The following KIF13B variants were observed in gnomAD, a reference collection of about 807,000 sequenced individuals.
KIF13B encodes kinesin-like protein KIF13B.
In KIF13B, 127 loss-of-function variants were observed where a neutral mutation model predicts 222.0. The ratio of observed to expected loss-of-function variants is 0.57; its 90% CI spans 0.50 to 0.66. The LOEUF (loss-of-function observed/expected upper bound fraction) is 0.66. Among genes scored for constraint, KIF13B ranks in the 30% least tolerant of loss-of-function variants. The probability of loss-of-function intolerance (pLI) is 0.00; values close to 1 mark genes in which losing one functional copy is unlikely to be tolerated. For synonymous variants in KIF13B, 976 were observed against 919.0 expected (o/e 1.06, Z -1.12); for missense variants, 2,173 against 2,379.0 (o/e 0.91, Z 1.80).
chr8:29,095,537 C>G (rs183964777), intron 36 of KIF13B, among the ~76,000 whole-genome samples: 1 of 152,138 alleles, frequency 6.6e-6, no homozygotes, highest in Non-Finnish European at 1.5e-5. Context: ...GAGGCCGAGG[C>G]GGGTGGATCA....
At chr8:29,222,974 T>C (rs1814826414) in intron 2 of KIF13B, among the ~76,000 whole-genome samples, 2 of 152,068 alleles carry the variant, frequency 1.3e-5, no homozygotes, top group African/African-American at 2.4e-5. Flanking sequence ...ATTTGACATA[T>C]AATCTAGAAA....
At position 29,132,295 on chromosome 8, in the gene KIF13B, A is replaced by C; in HGVS notation, c.2942+13T>G. The C allele has an allele frequency of 6.9e-7, 1 of 1,447,054 alleles. No homozygotes were observed. Among genetic ancestry groups the C allele is most frequent in the South Asian group, 1.6e-5 (1 of 63,062 alleles). 89.6% of individuals were successfully genotyped at this position (1,447,054 alleles called of 1,614,324 possible). ...TATATATAAATGGAATCAGATGAAC[A>C]TCTAATATTCACCTGTCCCGAAGAC... is the stretch of plus-strand genomic sequence containing the variant. On this transcript the variant is annotated intron_variant, in intron 23 of 39. Transcript: ENST00000524189.
intron 24 of KIF13B, among the ~76,000 whole-genome samples, chr8:29,128,060 CAGTAAATATATT>C (rs1167306921): frequency 2.7e-5 from 4 of 149,370 alleles, no homozygotes; most frequent in Non-Finnish European, 5.9e-5. Context: ...GTAAATATAT[CAGTAAATATATT>C]ATGTAAATAA....
At chr8:29,100,235 A>C (rs147172266) in intron 35 of KIF13B, among the ~76,000 whole-genome samples, 1 of 152,324 alleles carries the variant, frequency 6.6e-6, no homozygotes, top group African/African-American at 2.4e-5. Context: ...GTGAGCCATA[A>C]AAATAGTGAT....
intron 2 of KIF13B, among the ~76,000 whole-genome samples, chr8:29,234,829 G>A (rs954939853): frequency 6.6e-6 from 1 of 152,048 alleles, no homozygotes; most frequent in Non-Finnish European, 1.5e-5. Flanking sequence ...CAGGGGCCTG[G>A]CAAATCATAA....
chr8:29,111,296 A>G (rs1809344370), intron 32 of KIF13B, among the ~76,000 whole-genome samples: 1 of 152,254 alleles, frequency 6.6e-6, no homozygotes, highest in Non-Finnish European at 1.5e-5. Context: ...GGGAACAGAT[A>G]TTATCCTAAT....
intron 35 of KIF13B, among the ~76,000 whole-genome samples, chr8:29,103,464 C>T (rs990078372): frequency 6.6e-6 from 1 of 152,036 alleles, no homozygotes; most frequent in Non-Finnish European, 1.5e-5. Context: ...AATATCTGTA[C>T]AATAATGATG....
chr8:29,183,305 C>T (rs1025708369), intron 6 of KIF13B, among the ~76,000 whole-genome samples: 1 of 151,834 alleles, frequency 6.6e-6, no homozygotes, highest in Admixed American at 6.6e-5. Flanking sequence ...GTGTGCATCA[C>T]CACACCCAGC....
intron 35 of KIF13B, among the ~76,000 whole-genome samples, chr8:29,103,212 G>A (rs531024889): frequency 3.3e-4 from 49 of 150,118 alleles, no homozygotes; most frequent in East Asian, 5.8e-4. Flanking sequence ...ACTGCAGTCC[G>A]GCCTGGGCGA....
chr8:29,072,374 G>T (rs1807339881), intron 38 of KIF13B, 58 bp from the exon 39 acceptor site: 7 of 1,215,832 alleles, frequency 5.8e-6, no homozygotes, highest in African/African-American at 1.6e-5. Flanking sequence ...CACGAACCAA[G>T]CAGGCAGCTT....
intron 2 of KIF13B, among the ~76,000 whole-genome samples, chr8:29,228,472 A>AAAAAAAAAAAATATATATATATATATAT: frequency 8.5e-6 from 1 of 117,086 alleles, no homozygotes; most frequent in African/African-American, 3.3e-5. Context: ...ATCTTAAAAA[A>AAAAAAAAAAAATATATATATATATATAT]ATATATATAT....
Position 29,102,609 on chromosome 8 carries a change from C to T in KIF13B, c.4216-3368G>A, listed in dbSNP as rs187958850. 8.5e-5 allele frequency among the ~76,000 whole-genome samples: 13 copies of T among 152,340 alleles called. No individual in the cohort carries two copies. In the East Asian group the frequency reaches 2.1e-3, roughly 25 times the overall value. On this transcript the variant is annotated intron_variant, in intron 35 of 39. Transcript: ENST00000524189. ...CCTGCTCCTCTGCCAGATACGGATT[C>T]TTTGGGTTTTCTGGGAATGAGTCTG...
intron 2 of KIF13B, among the ~76,000 whole-genome samples, chr8:29,223,526 A>G (rs1814864347): frequency 6.6e-6 from 1 of 152,196 alleles, no homozygotes; most frequent in African/African-American, 2.4e-5. Flanking sequence ...AATGGATAAA[A>G]GATAGATCAA....
At chr8:29,155,615 T>G in intron 14 of KIF13B, 111 bp downstream of exon 14, 1 of 891,794 alleles carries the variant, frequency 1.1e-6, no homozygotes, top group Non-Finnish European at 1.7e-6. Context: ...CCCAACCAAC[T>G]GGATTACTTA....
intron 4 of KIF13B, 121 bp downstream of exon 4, chr8:29,190,876 G>T: frequency 1.2e-6 from 1 of 805,740 alleles, no homozygotes; most frequent in South Asian, 1.4e-5. Flanking sequence ...GACTGTTATT[G>T]TGGTGTGACA....
At chr8:29,260,398 G>A (rs1454036667) in intron 1 of KIF13B, among the ~76,000 whole-genome samples, 9 of 152,130 alleles carry the variant, frequency 5.9e-5, no homozygotes, top group East Asian at 1.9e-4. Flanking sequence ...TCTCATCCCC[G>A]TCCTCTTTTA....
chr8:29,239,434 G>T (rs1815661819), intron 2 of KIF13B, among the ~76,000 whole-genome samples: 1 of 152,204 alleles, frequency 6.6e-6, no homozygotes, highest in Non-Finnish European at 1.5e-5. Context: ...AAGAGAAACA[G>T]AAAACCTAAC....
intron 38 of KIF13B, 81 bp from the exon 39 acceptor site, chr8:29,072,397 G>T: frequency 1.0e-6 from 1 of 977,358 alleles, no homozygotes; most frequent in Non-Finnish European, 1.4e-6. Context: ...ACTTGGAAAA[G>T]AGCATGAGGC....
chr8:29,087,143 T>A (rs779806433), intron 37 of KIF13B, among the ~76,000 whole-genome samples: 8 of 152,182 alleles, frequency 5.3e-5, no homozygotes, highest in Non-Finnish European at 1.0e-4. Flanking sequence ...ATTTCCATAA[T>A]GTATATAACA....
Sources: allele counts gnomAD v4.1 joint callset (sites outside exome capture counted in the v4.1 genomes callset), GRCh38; gene constraint gnomAD v4.1.1; transcripts MANE v1.5; gene names NCBI Gene and HGNC (gene_info 2026-07-23, HGNC 2026-07-21).